DLGAP2: variants seen among roughly 807,000 people sequenced by gnomAD.
The protein encoded by DLGAP2 is DLG associated protein 2, also known as disks large-associated protein 2.
DLGAP2 carries 26 observed loss-of-function variants against 100.3 expected under a neutral mutation model. The observed-to-expected ratio is 0.26, with a 90% CI of 0.19 to 0.36. DLGAP2 has a LOEUF of 0.36. DLGAP2 is among the 10% of genes least tolerant of loss of function. DLGAP2 has a pLI of 1.00. For synonymous variants in DLGAP2, 886 were observed against 630.1 expected (o/e 1.41, Z -6.08); for missense variants, 1,858 against 1,453.2 (o/e 1.28, Z -4.53).
chr8:1,561,780 G>A (rs1429513703), intron 5 of DLGAP2, among the ~76,000 whole-genome samples: 2 of 80,620 alleles, frequency 2.5e-5, no homozygotes, highest in Non-Finnish European at 5.0e-5. Flanking sequence ...CTCGTTACTG[G>A]GGGACTGTGT....
At chr8:1,090,712 C>A (rs1480828669) in intron 2 of DLGAP2, among the ~76,000 whole-genome samples, 1 of 152,126 alleles carries the variant, frequency 6.6e-6, no homozygotes, top group Non-Finnish European at 1.5e-5. Context: ...CTCCAGGGCA[C>A]CCTGGGGTTT....
chr8:1,682,096 C>G (rs955969570), intron 12 of DLGAP2, among the ~76,000 whole-genome samples: 1 of 152,210 alleles, frequency 6.6e-6, no homozygotes, highest in Non-Finnish European at 1.5e-5. Flanking sequence ...TGCATCCCAT[C>G]CTTTCACCTG....
intron 2 of DLGAP2, among the ~76,000 whole-genome samples, chr8:1,176,608 C>G (rs527351132): frequency 1.8e-5 from 2 of 110,184 alleles, no homozygotes; most frequent in African/African-American, 6.9e-5. Context: ...CGACAGGGGT[C>G]GTGTTTCCTT....
At chr8:1,099,446 C>T (rs1455690296) in intron 2 of DLGAP2, among the ~76,000 whole-genome samples, 2 of 152,228 alleles carry the variant, frequency 1.3e-5, no homozygotes, top group Admixed American at 6.5e-5. Context: ...CAGGGCCGTA[C>T]TGGGGCTACG....
chr8:1,355,947 G>A (rs956197805), intron 3 of DLGAP2, among the ~76,000 whole-genome samples: 6 of 152,230 alleles, frequency 3.9e-5, no homozygotes, highest in South Asian at 2.1e-4. Context: ...AAGTACATGC[G>A]TGTTGGGAAG....
At chr8:1,693,381 C>T (rs1453420933) in intron 13 of DLGAP2, among the ~76,000 whole-genome samples, 3 of 151,312 alleles carry the variant, frequency 2.0e-5, no homozygotes, top group Non-Finnish European at 4.4e-5. Context: ...TTTGCCTACA[C>T]ACATACATGT....
intron 3 of DLGAP2, among the ~76,000 whole-genome samples, chr8:1,329,551 A>G (rs963920203): frequency 1.3e-5 from 2 of 152,168 alleles, no homozygotes; most frequent in African/African-American, 4.8e-5. Flanking sequence ...AGTGAGTTCT[A>G]TTTGGGGAAG....
chr8:1,546,667 C>T (rs1801549182), intron 4 of DLGAP2, among the ~76,000 whole-genome samples: 1 of 152,196 alleles, frequency 6.6e-6, no homozygotes, highest in Non-Finnish European at 1.5e-5. Flanking sequence ...CCCCATCACT[C>T]TGCTTGCTTT....
At position 1,142,532 on chromosome 8, in the gene DLGAP2, A is replaced by G. The variant is rs139942585; in HGVS notation, c.74-116319A>G. Among the ~76,000 whole-genome samples, 436 of 152,348 alleles carry G rather than the reference A, an allele frequency of 2.9e-3. 1 individual carries two copies. The highest frequency in any genetic ancestry group is 0.01 in the African/African-American group (424 of 41,582). ...ATAGAACATCTTTTGTAAAAGTGCC[A>G]TAAGAAGATAAAACATGGCATTTCT... On this transcript the variant is annotated intron_variant, in intron 2 of 14. Transcript: ENST00000637795.
intron 1 of DLGAP2, among the ~76,000 whole-genome samples, chr8:827,802 C>A (rs1163043947): frequency 6.6e-6 from 1 of 152,168 alleles, no homozygotes; most frequent in African/African-American, 2.4e-5. Context: ...AAACTGAGGA[C>A]ACATTTATTA....
At chr8:1,039,474 C>T (rs1297526671) in intron 2 of DLGAP2, among the ~76,000 whole-genome samples, 1 of 143,280 alleles carries the variant, frequency 7.0e-6, no homozygotes, top group African/African-American at 2.6e-5. Context: ...ATGTTCAGCT[C>T]GGTTTCCGTG....
chr8:1,128,613 T>A (rs951427036), intron 2 of DLGAP2, among the ~76,000 whole-genome samples: 1 of 152,168 alleles, frequency 6.6e-6, no homozygotes, highest in Non-Finnish European at 1.5e-5. Flanking sequence ...CATTCTGATG[T>A]TCCCACCATG....
rs568944410 is a variant in DLGAP2 at position 917,229 on chromosome 8, CCCTTCCTT to C, written c.73+9280_73+9287del. The stretch of plus-strand genomic sequence containing the variant: ...TCCCTCCCTCCATCCCTCCCTCCCT[CCCTTCCTT>C]CCTTCCTTCCTTCCTTTCTTCCTGA... On this transcript the variant is annotated intron_variant, in intron 2 of 14. Transcript: ENST00000637795. 5.1e-5 allele frequency among the ~76,000 whole-genome samples: 7 copies of C among 138,186 alleles called. No individual in the cohort carries two copies. The East Asian group carries it at 1.4e-3, about 27-fold the overall frequency. 90.7% of individuals were successfully genotyped at this position (138,186 alleles called of 152,430 possible).
intron 2 of DLGAP2, among the ~76,000 whole-genome samples, chr8:1,254,144 G>T (rs970417242): frequency 6.6e-6 from 1 of 152,200 alleles, no homozygotes; most frequent in Non-Finnish European, 1.5e-5. Context: ...GCTCAGCGCT[G>T]AGGGCTGGTC....
chr8:1,261,384 T>TCTTTAAAGC (rs1799346347), intron 3 of DLGAP2, among the ~76,000 whole-genome samples: 1 of 74,954 alleles, frequency 1.3e-5, no homozygotes, highest in East Asian at 4.5e-4. Flanking sequence ...ATCTTTAAAA[T>TCTTTAAAGC]GAGACAGACT....
intron 8 of DLGAP2, among the ~76,000 whole-genome samples, chr8:1,653,392 G>T (rs964398020): frequency 6.6e-6 from 1 of 152,156 alleles, no homozygotes; most frequent in Non-Finnish European, 1.5e-5. Context: ...GGCCAGAACC[G>T]AGCCCGGGTA....
At position 837,002 on chromosome 8, in the gene DLGAP2, G is replaced by C. The variant is rs188559355; in HGVS notation, c.19-70910G>C. 5.3e-5 allele frequency among the ~76,000 whole-genome samples: 8 copies of C among 152,326 alleles called. No individual in the cohort carries two copies. In the East Asian group the frequency reaches 1.5e-3, roughly 29 times the overall value. On this transcript the variant is annotated intron_variant, in intron 1 of 14. Transcript: ENST00000637795. ...ACAATGTTCTTCTCTTACTTGGCTA[G>C]ATAATGTCATGGTTAGAAACACAGA...
intron 12 of DLGAP2, among the ~76,000 whole-genome samples, chr8:1,681,811 A>G (rs1314940195): frequency 2.0e-5 from 3 of 152,180 alleles, no homozygotes; most frequent in Non-Finnish European, 4.4e-5. Flanking sequence ...AGAGATTAAG[A>G]TCTTGCCCCA....
chr8:1,628,245 G>A (rs1218719920), intron 7 of DLGAP2, among the ~76,000 whole-genome samples: 1 of 141,454 alleles, frequency 7.1e-6, no homozygotes, highest in Admixed American at 6.9e-5. Context: ...TTACTGTGGA[G>A]CAGGGATTAA....
Sources: allele counts gnomAD v4.1 joint callset (sites outside exome capture counted in the v4.1 genomes callset), GRCh38; gene constraint gnomAD v4.1.1; transcripts MANE v1.5; gene names NCBI Gene and HGNC (gene_info 2026-07-23, HGNC 2026-07-21).